Variants in GPHN observed in about 807,000 individuals in gnomAD.
GPHN encodes gephyrin.
GPHN carries 17 observed loss-of-function variants against 95.5 expected under a neutral mutation model. The ratio of observed to expected loss-of-function variants is 0.18; its 90% CI spans 0.12 to 0.27. The LOEUF (loss-of-function observed/expected upper bound fraction) is 0.27, where lower values mean the gene tolerates loss of function less well. GPHN is among the 10% of genes least tolerant of loss of function. GPHN has a pLI of 1.00. For synonymous variants in GPHN, 320 were observed against 322.5 expected (o/e 0.99, Z 0.08); for missense variants, 660 against 978.1 (o/e 0.67, Z 4.34).
chr14:67,150,559 A>G (rs1252424309), intron 18 of GPHN, among the ~76,000 whole-genome samples: 1 of 151,964 alleles, frequency 6.6e-6, no homozygotes, highest in African/African-American at 2.4e-5. Context: ...TATAGGAAAA[A>G]TGTGAGATTA....
At chr14:67,667,588 T>C in the GPHN span, among the ~76,000 whole-genome samples, 2 of 152,200 alleles carry the variant, frequency 1.3e-5, no homozygotes, top group East Asian at 1.9e-4. Context: ...GAAACCACCA[T>C]TGTTTCTGAA....
At chr14:67,247,663 G>A in the GPHN span, among the ~76,000 whole-genome samples, 3 of 151,906 alleles carry the variant, frequency 2.0e-5, no homozygotes, top group African/African-American at 4.8e-5. Flanking sequence ...CGGCAGCCTC[G>A]ACTTTCTGGG....
intron 18 of GPHN, among the ~76,000 whole-genome samples, chr14:67,144,250 A>ATATATACATATATATGT: frequency 1.7e-5 from 1 of 57,776 alleles, no homozygotes; most frequent in African/African-American, 8.0e-5. Context: ...AAAAAAAAAA[A>ATATATACATATATATGT]ATATATATAT....
At chr14:66,538,624 T>G (rs576660980) in intron 1 of GPHN, among the ~76,000 whole-genome samples, 1 of 152,154 alleles carries the variant, frequency 6.6e-6, no homozygotes, top group African/African-American at 2.4e-5. Flanking sequence ...CCTTTTTTGT[T>G]GATTATCTCC....
the GPHN span, among the ~76,000 whole-genome samples, chr14:67,328,639 TG>T: frequency 6.6e-6 from 1 of 152,240 alleles, no homozygotes; most frequent in Non-Finnish European, 1.5e-5. Context: ...TAATCCATCT[TG>T]AATTAACTTT....
At chr14:67,698,912 T>A in the GPHN span, among the ~76,000 whole-genome samples, 1 of 152,150 alleles carries the variant, frequency 6.6e-6, no homozygotes, top group African/African-American at 2.4e-5. Flanking sequence ...CTGTGGGTCA[T>A]GGTTTGCCAA....
chr14:67,103,511 CTTTTTTTTTTTTTT>C, intron 13 of GPHN, among the ~76,000 whole-genome samples: 2 of 53,396 alleles, frequency 3.7e-5, no homozygotes, highest in African/African-American at 1.6e-4. Context: ...GTTTCTTTCT[CTTTTTTTTTTTTTT>C]TTTTTTTTTT....
In GPHN at chr14:67,113,060, C is replaced by T; in HGVS notation, c.1515C>T (p.Ala505=). Residue 505 remains alanine, a synonymous_variant, in exon 16 of 23, where the codon GCC becomes GCT. Coordinates refer to ENST00000478722, the MANE Select transcript of GPHN (RefSeq NM_020806.5). ...TTAAAAGAGGGGAATGTGTTTTGGC[C>T]AAAGGAACCCACATGGGCCCCTCAG... is the stretch of plus-strand genomic sequence containing the variant. The part of the protein sequence containing the change: ...HDIKRGECVL[A]KGTHMGPSEI... 6.2e-7 allele frequency: 1 copy of T among 1,613,708 alleles called. No individual in the cohort carries two copies. The highest frequency in any genetic ancestry group is 8.5e-7 in the Non-Finnish European group (1 of 1,179,728).
chr14:67,124,153 C>A (rs2153693312), intron 17 of GPHN, among the ~76,000 whole-genome samples: 1 of 152,298 alleles, frequency 6.6e-6, no homozygotes, highest in African/African-American at 2.4e-5. Context: ...CACCTGTAAT[C>A]CCAGCACTTT....
intron 12 of GPHN, among the ~76,000 whole-genome samples, chr14:67,096,545 G>A (rs1290068553): frequency 6.6e-6 from 1 of 151,586 alleles, no homozygotes; most frequent in African/African-American, 2.4e-5. Context: ...TTTATTATCA[G>A]CGATGACTTA....
the GPHN span, chr14:67,208,360 G>A: frequency 6.2e-7 from 1 of 1,613,944 alleles, no homozygotes; most frequent in Non-Finnish European, 8.5e-7. Context: ...TAGAAAGTGA[G>A]GCAAATACAT....
At chr14:66,798,671 T>C (rs113019699) in intron 3 of GPHN, among the ~76,000 whole-genome samples, 70 of 152,012 alleles carry the variant, frequency 4.6e-4, no homozygotes, top group African/African-American at 1.4e-3. Context: ...TTTTTTATTT[T>C]TGATTGTATT....
intron 2 of GPHN, among the ~76,000 whole-genome samples, chr14:66,721,770 A>G (rs532998135): frequency 5.3e-5 from 8 of 152,106 alleles, no homozygotes; most frequent in African/African-American, 1.7e-4. Flanking sequence ...GGCCAACATG[A>G]TGAAACCTCG....
the GPHN span, among the ~76,000 whole-genome samples, chr14:67,317,255 G>C: frequency 6.6e-6 from 1 of 152,166 alleles, no homozygotes; most frequent in Non-Finnish European, 1.5e-5. Context: ...TTGAGGCCAG[G>C]AGTTCAAGAC....
intron 20 of GPHN, among the ~76,000 whole-genome samples, chr14:67,165,767 C>G (rs1202588229): frequency 6.6e-6 from 1 of 152,204 alleles, no homozygotes; most frequent in African/African-American, 2.4e-5. Context: ...TCCTACTCAT[C>G]ATCAGTCTAC....
At chr14:67,279,023 C>T in the GPHN span, 3 of 713,374 alleles carry the variant, frequency 4.2e-6, no homozygotes, top group Non-Finnish European at 6.2e-6. Context: ...CTTAGATTTC[C>T]TTCATGGATA....
chr14:67,585,945 C>G, the GPHN span: 1 of 1,608,908 alleles, frequency 6.2e-7, no homozygotes, highest in Non-Finnish European at 8.5e-7. Flanking sequence ...TGGTTCCTTT[C>G]CACAGCAAGT....
At chr14:67,146,906 G>T (rs1366149518) in intron 18 of GPHN, among the ~76,000 whole-genome samples, 2 of 152,148 alleles carry the variant, frequency 1.3e-5, no homozygotes, top group Non-Finnish European at 2.9e-5. Context: ...AGTGACACAT[G>T]CCTATAATCC....
At chr14:66,698,518 C>T (rs2068273059) in intron 2 of GPHN, among the ~76,000 whole-genome samples, 1 of 152,144 alleles carries the variant, frequency 6.6e-6, no homozygotes, top group Non-Finnish European at 1.5e-5. Context: ...TCAGGGAAAT[C>T]CAGTGCTTAT....
Sources: gnomAD v4.1 joint callset for allele counts (sites outside exome capture counted in the v4.1 genomes callset) on GRCh38, gnomAD v4.1.1 for gene constraint, MANE v1.5 for transcripts, NCBI Gene and HGNC (gene_info 2026-07-23, HGNC 2026-07-21) for gene names.